Variants in SURF4 observed in about 807,000 individuals in gnomAD.
SURF4 encodes surfeit 4, also known as surfeit locus protein 4.
Under a neutral mutation model 30.0 loss-of-function variants are expected in SURF4, and 3 were observed. That is an observed-to-expected ratio of 0.10 (90% confidence interval 0.05 to 0.26). SURF4 has a LOEUF of 0.26. Among genes scored for constraint, SURF4 ranks in the 10% least tolerant of loss-of-function variants. The pLI is 1.00. For missense variants in SURF4, 217 were observed against 350.8 expected (o/e 0.62, Z 3.05); for synonymous variants, 143 against 139.9 (o/e 1.02, Z -0.16).
At chr9:133,368,421 C>A (rs2130158725) in intron 1 of SURF4, among the ~76,000 whole-genome samples, 1 of 152,392 alleles carries the variant, frequency 6.6e-6, no homozygotes, top group East Asian at 1.9e-4. Context: ...CCCGACGGAG[C>A]TCTCCCCTGC....
At chr9:133,371,632 C>T (rs1837513620) in intron 1 of SURF4, among the ~76,000 whole-genome samples, 1 of 152,230 alleles carries the variant, frequency 6.6e-6, no homozygotes, top group South Asian at 2.1e-4. Flanking sequence ...TTAAGATCAT[C>T]ACACAAAGAA....
At chr9:133,368,391 C>A (rs1342904697) in intron 1 of SURF4, among the ~76,000 whole-genome samples, 2 of 152,222 alleles carry the variant, frequency 1.3e-5, no homozygotes, top group African/African-American at 4.8e-5. Flanking sequence ...CTGTTGCAAA[C>A]CAGGGCTGGC....
At position 133,375,458 on chromosome 9, in the gene SURF4, C is replaced by T. The variant is rs1049071731; in HGVS notation, c.48+464G>A. Reference sequence around the variant, plus strand: ...GGGCGCACGCCAGCGCGCCCCCTTTCCTCTGGGAGGACCCCCGGCCCCCGT... The same window carrying T: ...GGGCGCACGCCAGCGCGCCCCCTTTTCTCTGGGAGGACCCCCGGCCCCCGT... On this transcript the variant is annotated intron_variant, in intron 1 of 5. Transcript: ENST00000371989. The T allele has an allele frequency of 4.1e-6, 4 of 979,672 alleles. No homozygotes were observed. In the South Asian group the frequency reaches 1.4e-4, roughly 35 times the overall value. 60.7% of individuals were successfully genotyped at this position (979,672 alleles called of 1,614,324 possible).
At chr9:133,366,186 T>C (rs1837160124) in intron 3 of SURF4, 158 bp from the exon 4 acceptor site, 2 of 680,544 alleles carry the variant, frequency 2.9e-6, no homozygotes, top group South Asian at 1.9e-5. Flanking sequence ...CTCAAAAATG[T>C]GGTTCTGTAT....
chr9:133,366,471 G>C, intron 3 of SURF4, 128 bp downstream of exon 3: 2 of 1,030,072 alleles, frequency 1.9e-6, no homozygotes, highest in Non-Finnish European at 2.9e-6. Context: ...AGAGAAAGGA[G>C]CTCCAGGCAG....
At chr9:133,376,073 G>T, upstream of SURF4, 1 of 1,206,472 alleles carries the variant, frequency 8.3e-7, no homozygotes, top group Non-Finnish European at 1.0e-6. Context: ...CCGGCGGCCG[G>T]CCTCGCTCCG....
At chr9:133,370,904 C>G in intron 1 of SURF4, 4 of 1,289,766 alleles carry the variant, frequency 3.1e-6, no homozygotes, top group Non-Finnish European at 4.0e-6. Context: ...CATTAAGTCT[C>G]TCCGAGAACC....
At chr9:133,364,082 A>G (rs1837010032) in intron 5 of SURF4, among the ~76,000 whole-genome samples, 1 of 152,154 alleles carries the variant, frequency 6.6e-6, no homozygotes, top group African/African-American at 2.4e-5. Context: ...CAGGCCAGAA[A>G]CATCCTCTCT....
chr9:133,367,367 G>C lies in SURF4; in HGVS notation c.127C>G (p.Arg43Gly), dbSNP rs1205966592. 1 of 1,614,090 alleles carries C rather than the reference G, an allele frequency of 6.2e-7. No homozygotes were observed. Among genetic ancestry groups the C allele is most frequent in the Non-Finnish European group, 8.5e-7 (1 of 1,180,052 alleles). Residue 43 changes from arginine to glycine, a missense_variant, in exon 2 of 6, where the codon CGT becomes GGT. Physicochemically the swap from Arg to Gly is moderately radical, Grantham distance 125. Coordinates refer to ENST00000371989, the MANE Select transcript of SURF4 (RefSeq NM_033161.4). ...LISTFLEDGI[R>G]MWFQWSEQRD... Reference sequence around the variant, plus strand: ...TGCTCGCTCCACTGGAACCACATACGGATGCCGTCCTCCAGGAAGGTGCTG... The same window carrying C: ...TGCTCGCTCCACTGGAACCACATACCGATGCCGTCCTCCAGGAAGGTGCTG...
chr9:133,364,050 C>T (rs2130098294), intron 5 of SURF4, among the ~76,000 whole-genome samples: 9 of 152,174 alleles, frequency 5.9e-5, no homozygotes, highest in East Asian at 5.8e-4. Context: ...TTCCCAAGTG[C>T]TTCTTGGCCC....
Position 133,369,946 on chromosome 9 carries a change from G to A in SURF4, c.49-2501C>T, listed in dbSNP as rs2130174911. Among the ~76,000 whole-genome samples, 4 of 152,360 alleles carry A rather than the reference G, an allele frequency of 2.6e-5. 1 individual carries two copies. In the South Asian group the frequency reaches 6.2e-4, roughly 24 times the overall value. On this transcript the variant is annotated intron_variant, in intron 1 of 5. Coordinates refer to ENST00000371989, the MANE Select transcript of SURF4 (RefSeq NM_033161.4). The stretch of plus-strand genomic sequence containing the variant: ...GGGACTCCCAGGGCAGGGTGTGGGT[G>A]TGGGGCGTGGACCCCAACAGCAGCA...
chr9:133,375,260 C>G, intron 1 of SURF4: 1 of 985,482 alleles, frequency 1.0e-6, no homozygotes, highest in Non-Finnish European at 1.2e-6. Flanking sequence ...TGGAAGGAGA[C>G]TATCAGGGAG....
upstream of SURF4, among the ~76,000 whole-genome samples, chr9:133,376,972 C>T (rs954563413): frequency 1.3e-5 from 2 of 152,162 alleles, no homozygotes; most frequent in African/African-American, 4.8e-5. Context: ...ATTCACAAAA[C>T]ACAAAAGGAA....
chr9:133,369,153 C>T (rs1255072969), intron 1 of SURF4, among the ~76,000 whole-genome samples: 1 of 152,158 alleles, frequency 6.6e-6, no homozygotes, highest in East Asian at 1.9e-4. Flanking sequence ...TGGCAGAGAA[C>T]GGAGGCAGAG....
At position 133,363,343 on chromosome 9, in the gene SURF4, T is replaced by C; in HGVS notation, c.*150A>G. On this transcript the variant is annotated 3_prime_UTR_variant, in exon 6 of 6. Transcript: ENST00000371989. This position sits in a 1 kb window ranked among gnomAD's most constrained non-coding sequence, Gnocchi z 4.3. ...ACTGAGCCATCGATTCTCAGGTGTCTCTGCAAATAAAGTTCTCAAAACATC... is the reference window on the plus strand; with the variant it reads ...ACTGAGCCATCGATTCTCAGGTGTCCCTGCAAATAAAGTTCTCAAAACATC... The C allele has an allele frequency of 7.9e-7, 1 of 1,272,334 alleles. No individual in the cohort carries two copies. The highest frequency in any genetic ancestry group is 1.3e-5 in the South Asian group (1 of 78,630). The allele number at this position is 1,272,334 out of a possible 1,614,324, so 78.8% of individuals were successfully genotyped here. A position where few individuals can be genotyped will look rare whatever the true frequency, so the allele number is the denominator to read the frequency against.
In SURF4 at chr9:133,371,762, C is replaced by T. The variant is rs2130191867; in HGVS notation, c.48+4160G>A. On this transcript the variant is annotated intron_variant, in intron 1 of 5. Transcript: ENST00000371989. ...CACCAGTCACCAGCATGGTGTTCAT[C>T]GGGACCCTCACAGTGCCTGTGCCAC... Among the ~76,000 whole-genome samples the T allele has an allele frequency of 6.6e-5, 10 of 152,316 alleles. No individual in the cohort carries two copies. In the East Asian group the frequency reaches 1.7e-3, roughly 26 times the overall value.
At chr9:133,364,482 G>A (rs1837038745) in intron 5 of SURF4, among the ~76,000 whole-genome samples, 1 of 152,192 alleles carries the variant, frequency 6.6e-6, no homozygotes, top group African/African-American at 2.4e-5. Flanking sequence ...CGAGGGGTCA[G>A]GAGATCGAGA....
Position 133,363,471 on chromosome 9 carries a change from G to A in SURF4, c.*22C>T. On this transcript the variant is annotated 3_prime_UTR_variant, in exon 6 of 6. Coordinates refer to ENST00000371989, the MANE Select transcript of SURF4 (RefSeq NM_033161.4). The surrounding 1 kb of genome is among the most constrained non-coding windows in gnomAD (Gnocchi z 4.3). The stretch of plus-strand genomic sequence containing the variant: ...CCTTGACGGCCACGGGTCTTAGCCA[G>A]GCAGGTAGGGATCTGTGACTGTTAC... The A allele has an allele frequency of 6.2e-7, 1 of 1,614,264 alleles. No individual in the cohort carries two copies. The highest frequency in any genetic ancestry group is 8.5e-7 in the Non-Finnish European group (1 of 1,180,052).
At chr9:133,374,097 T>TGTA (rs1259205379) in intron 1 of SURF4, among the ~76,000 whole-genome samples, 1 of 152,074 alleles carries the variant, frequency 6.6e-6, no homozygotes, top group African/African-American at 2.4e-5. Context: ...AGCGAGTGTA[T>TGTA]GTAGCTCTCA....
Sources: allele counts gnomAD v4.1 joint callset (sites outside exome capture counted in the v4.1 genomes callset), GRCh38; gene constraint gnomAD v4.1.1; non-coding constraint Gnocchi (gnomAD v3.1); transcripts MANE v1.5; gene names NCBI Gene and HGNC (gene_info 2026-07-23, HGNC 2026-07-21).